The following ACLY variants were observed in gnomAD, a reference collection of about 807,000 sequenced individuals.
The protein encoded by ACLY is ATP-citrate synthase.
ACLY carries 41 observed loss-of-function variants against 133.0 expected under a neutral mutation model. The ratio of observed to expected loss-of-function variants is 0.31; its 90% CI spans 0.24 to 0.40. ACLY has a LOEUF of 0.40. Among genes scored for constraint, ACLY ranks in the 10% least tolerant of loss-of-function variants. ACLY has a pLI of 1.00. For missense variants in ACLY, 1,046 were observed against 1,453.8 expected, an observed-to-expected ratio of 0.72 and a Z score of 4.56; for synonymous variants, 495 against 549.3, an observed-to-expected ratio of 0.90 and a Z score of 1.38.
intron 16 of ACLY, among the ~76,000 whole-genome samples, chr17:41,890,385 A>G (rs1240013504): frequency 2.1e-5 from 3 of 141,918 alleles, no homozygotes; most frequent in Non-Finnish European, 4.7e-5. Flanking sequence ...TGACCGATTG[A>G]AAAAAAAAAA....
At chr17:41,868,346 G>C (rs1180011060) in intron 28 of ACLY, among the ~76,000 whole-genome samples, 2 of 148,052 alleles carry the variant, frequency 1.4e-5, no homozygotes, top group Non-Finnish European at 3.0e-5. Flanking sequence ...GCTGAGGCAG[G>C]AGAATCGCTT....
intron 22 of ACLY, among the ~76,000 whole-genome samples, chr17:41,876,111 T>C (rs1192812266): frequency 1.7e-4 from 25 of 149,964 alleles, no homozygotes; most frequent in African/African-American, 6.2e-4. Context: ...CCGCCCCGTC[T>C]GAGAAGTGAG....
chr17:41,870,517 G>A (rs572451325), intron 25 of ACLY: 1 of 152,328 alleles, frequency 6.6e-6, no homozygotes, highest in Admixed American at 6.5e-5. Flanking sequence ...CCAAATAAAT[G>A]AGGTTGCTGG....
At position 41,881,351 on chromosome 17, in the gene ACLY, A is replaced by T. The variant is rs146471104; in HGVS notation, c.2265+1771T>A. On this transcript the variant is annotated intron_variant, in intron 20 of 28. Coordinates refer to ENST00000352035, the MANE Select transcript of ACLY (RefSeq NM_001096.3). ...AGTAGGAGAATTGCTTAAACCAGGG[A>T]GGCAGAGGCTGCGGTGAGCTGAGAT... is the stretch of plus-strand genomic sequence containing the variant. Among the ~76,000 whole-genome samples, 72 of 137,976 alleles carry T rather than the reference A, an allele frequency of 5.2e-4. 1 individual carries two copies. The highest frequency in any genetic ancestry group is 1.9e-3 in the African/African-American group (70 of 37,042). The allele number at this position is 137,976 out of a possible 152,430, so 90.5% of individuals were successfully genotyped here.
In ACLY at chr17:41,896,601, C is replaced by T; in HGVS notation, c.1459+19G>A. On this transcript the variant is annotated intron_variant, in intron 14 of 28. Coordinates refer to ENST00000352035, the MANE Select transcript of ACLY (RefSeq NM_001096.3). ...AACAAAGCCACACGCGGAGTGGGGG[C>T]AGGGTGGGGGCATCCTACCTTGCAG... The T allele has an allele frequency of 6.5e-7, 1 of 1,543,964 alleles. No homozygotes were observed. The highest frequency in any genetic ancestry group is 8.7e-7 in the Non-Finnish European group (1 of 1,145,648).
intron 16 of ACLY, among the ~76,000 whole-genome samples, chr17:41,891,551 CT>C (rs879972776): frequency 1.1e-3 from 163 of 144,236 alleles, no homozygotes; most frequent in Admixed American, 1.3e-3. Flanking sequence ...CCAGCTAATT[CT>C]TTTTTTTTTT....
At chr17:41,922,729 A>G (rs2050197474), upstream of ACLY, among the ~76,000 whole-genome samples, 1 of 152,208 alleles carries the variant, frequency 6.6e-6, no homozygotes, top group Non-Finnish European at 1.5e-5. Context: ...AGTACTCAAT[A>G]AATGTTTGCT....
chr17:41,922,965 CCA>C (rs2050200327), upstream of ACLY, among the ~76,000 whole-genome samples: 1 of 152,194 alleles, frequency 6.6e-6, no homozygotes, highest in South Asian at 2.1e-4. Context: ...CACCATGCAC[CCA>C]CAGAGGTTCA....
intron 16 of ACLY, among the ~76,000 whole-genome samples, chr17:41,891,381 G>C (rs1261876587): frequency 6.6e-6 from 1 of 151,972 alleles, no homozygotes. Flanking sequence ...GGTGGAGCCT[G>C]AGCCACCTCA....
chr17:41,893,970 T>C (rs192074024), intron 14 of ACLY, among the ~76,000 whole-genome samples: 1 of 152,200 alleles, frequency 6.6e-6, no homozygotes, highest in East Asian at 1.9e-4. Context: ...TCCCAGCACT[T>C]TGGGAGGCTG....
At chr17:41,893,443 G>T (rs1205244228) in intron 14 of ACLY, among the ~76,000 whole-genome samples, 1 of 152,198 alleles carries the variant, frequency 6.6e-6, no homozygotes, top group Non-Finnish European at 1.5e-5. Context: ...AGAAAGAAGG[G>T]CCCCACAGTC....
chr17:41,894,454 G>A (rs2049307222), intron 14 of ACLY, among the ~76,000 whole-genome samples: 1 of 150,738 alleles, frequency 6.6e-6, no homozygotes, highest in South Asian at 2.1e-4. Context: ...TGGGCATAGT[G>A]GTGCGTGCTT....
chr17:41,921,253 G>A (rs1555635387), upstream of ACLY, among the ~76,000 whole-genome samples: 1 of 151,970 alleles, frequency 6.6e-6, no homozygotes, highest in East Asian at 1.9e-4. Context: ...AGCAGAGATC[G>A]TGCCATTGCA....
intron 3 of ACLY, among the ~76,000 whole-genome samples, chr17:41,912,043 G>A (rs577675661): frequency 8.0e-4 from 121 of 151,806 alleles, no homozygotes; most frequent in African/African-American, 2.8e-3. Flanking sequence ...GAACCCAGGA[G>A]GCGGAGGTTG....
At chr17:41,892,060 A>T (rs907671847) in intron 16 of ACLY, among the ~76,000 whole-genome samples, 11 of 152,146 alleles carry the variant, frequency 7.2e-5, no homozygotes, top group African/African-American at 2.7e-4. Context: ...ACCTGCCCTA[A>T]GTCACTATCC....
At chr17:41,892,905 C>T in intron 15 of ACLY, 128 bp downstream of exon 15, 1 of 1,226,804 alleles carries the variant, frequency 8.2e-7, no homozygotes. Flanking sequence ...TCTCAAACTC[C>T]TGGGCTCAAG....
Position 41,886,207 on chromosome 17 carries a change from A to G in ACLY, c.1977T>C (p.Tyr659=). ...SKLYRPGSVA[Y]VSRSGGMSNE... Reference sequence around the variant, plus strand: ...TGGACATGCCTCCGGAACGTGAGACATAGGCCACGCTGCCTGGGCGGTACA... The same window carrying G: ...TGGACATGCCTCCGGAACGTGAGACGTAGGCCACGCTGCCTGGGCGGTACA... Residue 659 remains tyrosine (Y), a synonymous_variant, in exon 18 of 29, where the codon TAT becomes TAC. Transcript: ENST00000352035. 3 of 1,614,220 alleles carry G rather than the reference A, an allele frequency of 1.9e-6. No individual in the cohort carries two copies. The highest frequency in any genetic ancestry group is 2.5e-6 in the Non-Finnish European group (3 of 1,180,024).
chr17:41,909,633 C>T lies in ACLY; in HGVS notation c.413G>A (p.Gly138Glu). The T allele has an allele frequency of 3.1e-6, 5 of 1,614,164 alleles. No homozygotes were observed. Among genetic ancestry groups the T allele is most frequent in the Non-Finnish European group, 4.2e-6 (5 of 1,180,020 alleles). Residue 138 changes from glycine (G) to glutamate (E), a missense_variant, in exon 5 of 29, where the codon GGG becomes GAG. Gly to Glu is a moderately conservative substitution (Grantham distance 98). Transcript: ENST00000352035. ...GTCCACATCACCCACGTCCACACCC[C>T]CCTCGTGGTGGAACAGGACGTAGTC... is the stretch of plus-strand genomic sequence containing the variant. ...EGDYVLFHHE[G>E]GVDVGDVDAK...
chr17:41,879,085 A>T (rs71373464), intron 20 of ACLY, among the ~76,000 whole-genome samples, 161 bp from the exon 21 acceptor site: 12,704 of 152,186 alleles, frequency 0.083, 738 homozygotes, highest in Non-Finnish European at 0.12. Context: ...CAGACAAGGA[A>T]ACCAAAGCAC....
Sources: gnomAD v4.1 joint callset for allele counts (sites outside exome capture counted in the v4.1 genomes callset) on GRCh38, gnomAD v4.1.1 for gene constraint, MANE v1.5 for transcripts, NCBI Gene and HGNC (gene_info 2026-07-23, HGNC 2026-07-21) for gene names.